Variants in LARGE1 observed in about 807,000 individuals in gnomAD.
LARGE1 encodes the protein LARGE xylosyl- and glucuronyltransferase 1.
Under a neutral mutation model 87.6 loss-of-function variants are expected in LARGE1, and 43 were observed. The ratio of observed to expected loss-of-function variants is 0.49; its 90% CI spans 0.38 to 0.63. LARGE1 has a LOEUF of 0.63. Ranked by LOEUF, LARGE1 falls within the 30% of genes least tolerant of loss-of-function variation. The pLI, the probability that LARGE1 is intolerant of heterozygous loss-of-function variation, is 0.00. For synonymous variants in LARGE1, 434 were observed against 394.6 expected (o/e 1.10, Z -1.18); for missense variants, 802 against 1,000.2 (o/e 0.80, Z 2.67).
chr22:33,496,174 C>T (rs975464832), intron 6 of LARGE1, among the ~76,000 whole-genome samples: 2 of 152,140 alleles, frequency 1.3e-5, no homozygotes, highest in East Asian at 3.9e-4. Context: ...CTAGTCTTTC[C>T]ACGTTCTTCT....
intron 1 of LARGE1, among the ~76,000 whole-genome samples, chr22:33,832,794 G>A (rs934553657): frequency 3.9e-5 from 6 of 152,216 alleles, no homozygotes; most frequent in African/African-American, 1.4e-4. Flanking sequence ...GTGTGGTCTG[G>A]CACATGCAGT....
chr22:33,788,193 C>A (rs1231693337), intron 1 of LARGE1, among the ~76,000 whole-genome samples: 1 of 152,104 alleles, frequency 6.6e-6, no homozygotes, highest in African/African-American at 2.4e-5. Flanking sequence ...ATACTGTGCT[C>A]GTGGTAGTGA....
In LARGE1 at chr22:33,273,451, A is replaced by G. The variant is rs1457377539; in HGVS notation, c.*976T>C. The G allele has an allele frequency of 2.5e-6, 1 of 398,526 alleles. No individual in the cohort carries two copies. Among genetic ancestry groups the G allele is most frequent in the African/African-American group, 2.1e-5 (1 of 48,632 alleles). The allele number at this position is 398,526 out of a possible 1,614,324, so 24.7% of individuals were successfully genotyped here. A position where few individuals can be genotyped will look rare whatever the true frequency, so the allele number is the denominator to read the frequency against. On this transcript the variant is annotated 3_prime_UTR_variant, in exon 15 of 15. Transcript: ENST00000397394. ...TTATGAAAGTTCTTCGAAAGGCCTG[A>G]GAGGTTCGTACCTTGTGTGTGCACT...
chr22:33,252,241 A>T (rs1225928750), intron 11 of LARGE1, among the ~76,000 whole-genome samples: 1 of 118,292 alleles, frequency 8.5e-6, no homozygotes, highest in Non-Finnish European at 1.7e-5. Flanking sequence ...TTTAATGATA[A>T]TTCCTTCATT....
chr22:33,104,287 C>T, the LARGE1 span, among the ~76,000 whole-genome samples: 1 of 152,148 alleles, frequency 6.6e-6, no homozygotes, highest in Admixed American at 6.6e-5. Flanking sequence ...AATAGAAAAT[C>T]AACACAGAGC....
intron 11 of LARGE1, among the ~76,000 whole-genome samples, chr22:33,200,350 GC>G (rs1400691726): frequency 1.3e-5 from 2 of 152,104 alleles, no homozygotes; most frequent in African/African-American, 4.8e-5. Flanking sequence ...ACAAGTTGTG[GC>G]GAGGATGTGG....
intron 9 of LARGE1, among the ~76,000 whole-genome samples, chr22:33,338,644 G>A (rs1366742934): frequency 6.6e-6 from 1 of 152,162 alleles, no homozygotes; most frequent in East Asian, 1.9e-4. Flanking sequence ...AAATAAACAA[G>A]TTCATGCCTA....
intron 1 of LARGE1, among the ~76,000 whole-genome samples, chr22:33,914,386 G>C (rs1286547386): frequency 6.6e-6 from 1 of 152,170 alleles, no homozygotes; most frequent in Non-Finnish European, 1.5e-5. Flanking sequence ...TACATTCAGG[G>C]CTTTGCAAAA....
downstream of LARGE1, among the ~76,000 whole-genome samples, chr22:33,157,264 A>ATG (rs1339834759): frequency 6.6e-6 from 1 of 152,230 alleles, no homozygotes; most frequent in African/African-American, 2.4e-5. Context: ...AAGCTGAGAG[A>ATG]TTAACCTTCT....
intron 11 of LARGE1, among the ~76,000 whole-genome samples, chr22:33,263,343 C>T (rs755517343): frequency 6.6e-5 from 10 of 152,170 alleles, no homozygotes; most frequent in Non-Finnish European, 1.2e-4. Context: ...TGGGATATCA[C>T]GCATGTGATT....
chr22:33,591,252 T>C (rs549793559), intron 5 of LARGE1, among the ~76,000 whole-genome samples: 3 of 152,316 alleles, frequency 2.0e-5, no homozygotes, highest in African/African-American at 7.2e-5. Flanking sequence ...GTATACCATT[T>C]TTCACTTCCA....
intron 6 of LARGE1, among the ~76,000 whole-genome samples, chr22:33,541,270 T>A (rs1472464034): frequency 6.6e-6 from 1 of 151,254 alleles, no homozygotes; most frequent in Non-Finnish European, 1.5e-5. Flanking sequence ...GAGCCGGGGC[T>A]GGGACTTGAA....
At chr22:33,481,925 T>G (rs984549994) in intron 6 of LARGE1, among the ~76,000 whole-genome samples, 18 of 152,216 alleles carry the variant, frequency 1.2e-4, no homozygotes, top group African/African-American at 4.1e-4. Context: ...GAATCTGTAG[T>G]GAGGAAACCT....
intron 11 of LARGE1, among the ~76,000 whole-genome samples, chr22:33,255,770 T>A (rs1927229773): frequency 6.6e-6 from 1 of 152,244 alleles, no homozygotes; most frequent in South Asian, 2.1e-4. Flanking sequence ...GCCACATTCA[T>A]TTCTGAAACT....
At chr22:33,551,910 T>C (rs377311601) in intron 6 of LARGE1, among the ~76,000 whole-genome samples, 2 of 144,530 alleles carry the variant, frequency 1.4e-5, no homozygotes, top group East Asian at 4.0e-4. Flanking sequence ...AGGAGAATGG[T>C]GTGAACCCGG....
intron 6 of LARGE1, among the ~76,000 whole-genome samples, chr22:33,472,309 T>C (rs2148119687): frequency 6.6e-6 from 1 of 152,142 alleles, no homozygotes; most frequent in South Asian, 2.1e-4. Context: ...TTTGTACTGA[T>C]GAAGGAGACA....
intron 6 of LARGE1, among the ~76,000 whole-genome samples, chr22:33,551,431 A>G (rs529456947): frequency 2.0e-4 from 31 of 152,346 alleles, no homozygotes; most frequent in Non-Finnish European, 3.5e-4. Flanking sequence ...GCTGTCAATG[A>G]TCATGAGGCT....
chr22:33,440,205 G>C (rs999602878), intron 6 of LARGE1, among the ~76,000 whole-genome samples: 1 of 152,038 alleles, frequency 6.6e-6, no homozygotes, highest in Non-Finnish European at 1.5e-5. Context: ...TGAATGAATG[G>C]GTGAATAAAT....
chr22:33,593,661 C>T (rs189760632), intron 5 of LARGE1, among the ~76,000 whole-genome samples: 2 of 152,236 alleles, frequency 1.3e-5, no homozygotes, highest in Admixed American at 6.5e-5. Context: ...CAAAGTGAGA[C>T]GTTCAAAATA....
Sources: allele counts gnomAD v4.1 joint callset (sites outside exome capture counted in the v4.1 genomes callset), GRCh38; gene constraint gnomAD v4.1.1; transcripts MANE v1.5; gene names NCBI Gene and HGNC (gene_info 2026-07-23, HGNC 2026-07-21).